CYTH1: variants seen among roughly 807,000 people sequenced by gnomAD.
The protein encoded by CYTH1 is cytohesin 1, also known as cytohesin-1.
Under a neutral mutation model 61.8 loss-of-function variants are expected in CYTH1, and 18 were observed. That is an observed-to-expected ratio of 0.29 (90% CI 0.20 to 0.43). CYTH1 has a LOEUF of 0.43. Ranked by LOEUF, CYTH1 falls within the 20% of genes least tolerant of loss-of-function variation. The pLI is 1.00. For synonymous variants in CYTH1, 174 were observed against 184.3 expected (o/e 0.94, Z 0.45); for missense variants, 336 against 510.5 (o/e 0.66, Z 3.29).
intron 9 of CYTH1, 121 bp from the exon 10 acceptor site, chr17:78,696,130 G>A: frequency 7.7e-7 from 1 of 1,293,160 alleles, no homozygotes; most frequent in Non-Finnish European, 1.0e-6. Context: ...CAATGTATCA[G>A]TCACATTCAT....
chr17:78,754,462 G>C (rs995431528), intron 1 of CYTH1, among the ~76,000 whole-genome samples: 1 of 151,800 alleles, frequency 6.6e-6, no homozygotes, highest in Admixed American at 6.6e-5. Context: ...TCCCACCTTA[G>C]CCTCCCAAGT....
intron 3 of CYTH1, 93 bp from the exon 4 acceptor site, chr17:78,702,697 T>G (rs889724953): frequency 7.4e-7 from 1 of 1,355,462 alleles, no homozygotes; most frequent in African/African-American, 1.4e-5. Flanking sequence ...CACAGGTTTT[T>G]GAAAGATTTA....
chr17:78,718,224 C>T (rs796513677), intron 1 of CYTH1, among the ~76,000 whole-genome samples: 2,566 of 73,188 alleles, frequency 0.035, 54 homozygotes, highest in South Asian at 0.19. Context: ...TGAATACACA[C>T]ACACACACAC....
chr17:78,778,690 C>T (rs2093503839), intron 1 of CYTH1, among the ~76,000 whole-genome samples: 1 of 147,886 alleles, frequency 6.8e-6, no homozygotes, highest in Non-Finnish European at 1.5e-5. Flanking sequence ...AGGCCTGGCA[C>T]AGTGACTCAA....
intron 1 of CYTH1, among the ~76,000 whole-genome samples, chr17:78,710,635 G>A (rs753574337): frequency 6.6e-6 from 1 of 152,216 alleles, no homozygotes; most frequent in Non-Finnish European, 1.5e-5. Flanking sequence ...GACAAGTTAT[G>A]TAACCCACTT....
At chr17:78,688,624 G>A (rs1483719288) in intron 11 of CYTH1, among the ~76,000 whole-genome samples, 2 of 152,230 alleles carry the variant, frequency 1.3e-5, no homozygotes, top group Non-Finnish European at 1.5e-5. Flanking sequence ...GGTTAGACAC[G>A]AAGAATGATG....
intron 10 of CYTH1, among the ~76,000 whole-genome samples, chr17:78,694,857 A>G (rs1434422598): frequency 2.6e-5 from 4 of 152,138 alleles, no homozygotes; most frequent in Non-Finnish European, 4.4e-5. Flanking sequence ...CCTCTACCAT[A>G]AAGCATCACT....
intron 1 of CYTH1, among the ~76,000 whole-genome samples, chr17:78,768,996 A>G (rs1279298383): frequency 6.6e-6 from 1 of 152,092 alleles, no homozygotes; most frequent in Non-Finnish European, 1.5e-5. Flanking sequence ...AAATACAAAA[A>G]CTAGCCAGGT....
intron 3 of CYTH1, among the ~76,000 whole-genome samples, chr17:78,707,445 T>C (rs1024912733): frequency 6.6e-6 from 1 of 152,108 alleles, no homozygotes; most frequent in Non-Finnish European, 1.5e-5. Context: ...CATTTCTACA[T>C]TTTCTTCCCT....
intron 1 of CYTH1, among the ~76,000 whole-genome samples, chr17:78,747,145 CAAA>C (rs56201341): frequency 1.7e-4 from 10 of 57,830 alleles, no homozygotes; most frequent in Admixed American, 5.5e-4. Context: ...ATGGCAGCGC[CAAA>C]AAAAAAAAAA....
chr17:78,761,292 C>T (rs2093427665), intron 1 of CYTH1, among the ~76,000 whole-genome samples: 1 of 152,174 alleles, frequency 6.6e-6, no homozygotes, highest in South Asian at 2.1e-4. Context: ...AACTAATTCT[C>T]ACAGGAACTG....
intron 1 of CYTH1, among the ~76,000 whole-genome samples, chr17:78,749,997 G>A (rs191882231): frequency 1.1e-4 from 17 of 152,172 alleles, no homozygotes; most frequent in African/African-American, 4.1e-4. Context: ...CTCCCTCTGG[G>A]TCTGAAAAGG....
chr17:78,727,176 A>T (rs1344381096), intron 1 of CYTH1, among the ~76,000 whole-genome samples: 1 of 152,222 alleles, frequency 6.6e-6, no homozygotes, highest in East Asian at 1.9e-4. Flanking sequence ...CTCTCTGCCC[A>T]TGAGGCGTCC....
intron 1 of CYTH1, among the ~76,000 whole-genome samples, chr17:78,736,335 A>C (rs1037385778): frequency 2.0e-5 from 3 of 152,112 alleles, no homozygotes; most frequent in Admixed American, 6.5e-5. Flanking sequence ...ACTCTAACGA[A>C]AGCAAAGATT....
At chr17:78,744,617 C>T (rs117267786) in intron 1 of CYTH1, among the ~76,000 whole-genome samples, 6 of 152,240 alleles carry the variant, frequency 3.9e-5, no homozygotes, top group Non-Finnish European at 5.9e-5. Context: ...TGTGTATTGA[C>T]ATAAATGCAT....
chr17:78,764,268 C>T (rs1030324583), intron 1 of CYTH1, among the ~76,000 whole-genome samples: 1 of 148,820 alleles, frequency 6.7e-6, no homozygotes, highest in Non-Finnish European at 1.5e-5. Context: ...ACTATCTCGG[C>T]TCAATGAAAC....
At position 78,690,568 on chromosome 17, in the gene CYTH1, C is replaced by T. The variant is rs55839888; in HGVS notation, c.891+1849G>A. Reference sequence around the variant, plus strand: ...AAAAAAAAACGGATGTGGTGGCGCACGCCTCTAGTCCCAGCTACTCAGGAG... The same window carrying T: ...AAAAAAAAACGGATGTGGTGGCGCATGCCTCTAGTCCCAGCTACTCAGGAG... On this transcript the variant is annotated intron_variant, in intron 11 of 13. Transcript: ENST00000446868. Among the ~76,000 whole-genome samples the T allele has an allele frequency of 1.6e-3, 248 of 151,800 alleles. 1 individual carries two copies. The highest frequency in any genetic ancestry group is 2.6e-3 in the Non-Finnish European group (180 of 67,952).
At position 78,764,936 on chromosome 17, in the gene CYTH1, T is replaced by C. The variant is rs183927216; in HGVS notation, c.22+17266A>G. Among the ~76,000 whole-genome samples, 27 of 151,852 alleles carry C rather than the reference T, an allele frequency of 1.8e-4. No individual in the cohort carries two copies. The East Asian group carries it at 2.1e-3, about 12-fold the overall frequency. ...GTAGGTTCCCGGGGGATGAGCATTA[T>C]TGGGAGTCAAGCAGGGTAAGGGTGG... On this transcript the variant is annotated intron_variant, in intron 1 of 13. Transcript: ENST00000446868.
chr17:78,759,786 TATACACTCAACAC>T (rs1240328741), intron 1 of CYTH1, among the ~76,000 whole-genome samples: 1 of 152,224 alleles, frequency 6.6e-6, no homozygotes, highest in Non-Finnish European at 1.5e-5. Context: ...GAAATCATTT[TATACACTCAACAC>T]GGGAAATGAA....
Sources: allele counts gnomAD v4.1 joint callset (sites outside exome capture counted in the v4.1 genomes callset), GRCh38; gene constraint gnomAD v4.1.1; transcripts MANE v1.5; gene names NCBI Gene and HGNC (gene_info 2026-07-23, HGNC 2026-07-21).